OSCP1: variants seen among roughly 807,000 people sequenced by gnomAD.
The protein encoded by OSCP1 is organic solute carrier partner 1.
In OSCP1, 35 loss-of-function variants were observed where a neutral mutation model predicts 45.1. The ratio of observed to expected loss-of-function variants is 0.78; its 90% CI spans 0.59 to 1.03. The LOEUF (loss-of-function observed/expected upper bound fraction) is 1.03. Ranked by LOEUF, OSCP1 falls within the 50% of genes least tolerant of loss-of-function variation. The pLI is 0.00. For synonymous variants in OSCP1, 179 were observed against 180.1 expected, an observed-to-expected ratio of 0.99 and a Z score of 0.05; for missense variants, 400 against 470.7, an observed-to-expected ratio of 0.85 and a Z score of 1.39.
At chr1:36,444,421 A>G (rs1357420806) in intron 1 of OSCP1, among the ~76,000 whole-genome samples, 2 of 152,206 alleles carry the variant, frequency 1.3e-5, no homozygotes, top group Admixed American at 6.5e-5. Context: ...TTCCAAGAAC[A>G]GGCAGAGAAA....
intron 1 of OSCP1, 43 bp downstream of exon 1, chr1:36,450,215 C>A (rs755882757): frequency 1.1e-5 from 17 of 1,525,152 alleles, no homozygotes; most frequent in Non-Finnish European, 1.5e-5. Flanking sequence ...GAGGGCCGGG[C>A]TGCTGGCTGC....
intron 3 of OSCP1, 30 bp from the exon 4 acceptor site, chr1:36,431,912 C>T (rs376393878): frequency 6.2e-7 from 1 of 1,605,042 alleles, no homozygotes; most frequent in South Asian, 1.1e-5. Flanking sequence ...AGCAGCACTT[C>T]ACTTTCCAAG....
intron 4 of OSCP1, among the ~76,000 whole-genome samples, chr1:36,424,237 G>A (rs1484259318): frequency 3.9e-5 from 6 of 152,182 alleles, no homozygotes; most frequent in African/African-American, 9.7e-5. Flanking sequence ...CACCGTGCTC[G>A]GCTACAAACA....
At chr1:36,422,456 C>T (rs910746569) in intron 6 of OSCP1, among the ~76,000 whole-genome samples, 2 of 152,206 alleles carry the variant, frequency 1.3e-5, no homozygotes, top group East Asian at 3.9e-4. Context: ...TAACACGCAT[C>T]ACTGAAAATA....
At chr1:36,433,491 G>T (rs1648512943) in intron 2 of OSCP1, among the ~76,000 whole-genome samples, 1 of 151,954 alleles carries the variant, frequency 6.6e-6, no homozygotes, top group Non-Finnish European at 1.5e-5. Flanking sequence ...CTGCAAGAAT[G>T]GGGAGGGAGG....
intron 1 of OSCP1, among the ~76,000 whole-genome samples, chr1:36,448,773 T>C (rs1240349047): frequency 6.6e-6 from 1 of 152,156 alleles, no homozygotes; most frequent in African/African-American, 2.4e-5. Flanking sequence ...AGTTTGGTAT[T>C]ATTGGGAAAC....
intron 1 of OSCP1, 30 bp downstream of exon 1, chr1:36,450,228 G>T: frequency 6.3e-7 from 1 of 1,577,746 alleles, no homozygotes; most frequent in Non-Finnish European, 8.7e-7. Flanking sequence ...CTGGCTGCGG[G>T]TCTGGCTGAG....
At chr1:36,437,899 G>A (rs1262829984) in intron 2 of OSCP1, among the ~76,000 whole-genome samples, 2 of 152,170 alleles carry the variant, frequency 1.3e-5, no homozygotes, top group Non-Finnish European at 2.9e-5. Flanking sequence ...TCTTGTCTGG[G>A]TGCAGTGGCC....
intron 2 of OSCP1, among the ~76,000 whole-genome samples, chr1:36,434,035 T>C (rs1648548171): frequency 6.6e-6 from 1 of 152,186 alleles, no homozygotes. Flanking sequence ...TGATCAGGGT[T>C]GTCCAGAAGG....
rs71053929 is a variant in OSCP1, at chr1:36,427,299, C to CTTTTTTTTTTTTTTTTT, written c.517-3834_517-3833insAAAAAAAAAAAAAAAAA. 5.9e-4 allele frequency among the ~76,000 whole-genome samples: 57 copies of CTTTTTTTTTTTTTTTTT among 96,296 alleles called. 1 individual carries two copies. Among genetic ancestry groups the CTTTTTTTTTTTTTTTTT allele is most frequent in the African/African-American group, 2.4e-3 (49 of 20,814 alleles). 63.2% of individuals were successfully genotyped at this position (96,296 alleles called of 152,430 possible). On this transcript the variant is annotated intron_variant, in intron 4 of 9. Coordinates refer to ENST00000235532, the MANE Select transcript of OSCP1 (RefSeq NM_145047.5). ...ACAGGCGTGAGCCATGGCGCCTGGC[C>CTTTTTTTTTTTTTTTTT]TTTTTTTTTTTTTTTGACACAGAGT...
chr1:36,436,104 A>AC (rs1648715229), intron 2 of OSCP1, among the ~76,000 whole-genome samples: 1 of 113,888 alleles, frequency 8.8e-6, no homozygotes, highest in East Asian at 2.8e-4. Context: ...CTCTCTCTCT[A>AC]TTTTTTTTTT....
At chr1:36,426,641 TCTGCCTGCCCCACTG>T (rs1647979168) in intron 4 of OSCP1, among the ~76,000 whole-genome samples, 1 of 152,246 alleles carries the variant, frequency 6.6e-6, no homozygotes, top group Non-Finnish European at 1.5e-5. Flanking sequence ...TTCACTGTTT[TCTGCCTGCCCCACTG>T]CAGAAGCCTC....
At chr1:36,436,410 C>T (rs1648745076) in intron 2 of OSCP1, among the ~76,000 whole-genome samples, 1 of 152,024 alleles carries the variant, frequency 6.6e-6, no homozygotes. Context: ...GCGCCCGGCC[C>T]TCTCTATTTT....
At chr1:36,448,967 T>C (rs1041663192) in intron 1 of OSCP1, among the ~76,000 whole-genome samples, 1 of 152,188 alleles carries the variant, frequency 6.6e-6, no homozygotes, top group African/African-American at 2.4e-5. Context: ...TTGGCGGCAA[T>C]GTGCAGAATG....
intron 1 of OSCP1, chr1:36,444,180 C>G (rs1024568670): frequency 1.2e-5 from 10 of 860,340 alleles, no homozygotes; most frequent in Non-Finnish European, 1.9e-5. Context: ...GAGCACACTG[C>G]CTTCTATTTG....
chr1:36,419,164 A>G (rs1370046628), intron 8 of OSCP1, 110 bp from the exon 9 acceptor site: 2 of 945,414 alleles, frequency 2.1e-6, no homozygotes, highest in East Asian at 2.4e-5. Context: ...CTCATCTGCC[A>G]TTTCTCTTAA....
At chr1:36,435,301 GT>G (rs71053934) in intron 2 of OSCP1, among the ~76,000 whole-genome samples, 39,651 of 147,340 alleles carry the variant, frequency 0.27, 5,834 homozygotes, top group Middle Eastern at 0.4. Context: ...TCTCACTATG[GT>G]TTTTTTTTTA....
At chr1:36,443,960 C>T (rs1361235238) in intron 1 of OSCP1, 3 of 1,595,324 alleles carry the variant, frequency 1.9e-6, no homozygotes, top group South Asian at 2.2e-5. Context: ...CCTGAGTGAA[C>T]CTGTGGATGC....
intron 1 of OSCP1, among the ~76,000 whole-genome samples, chr1:36,440,229 T>G (rs550644158): frequency 6.6e-6 from 1 of 152,320 alleles, no homozygotes; most frequent in African/African-American, 2.4e-5. Context: ...TTTTAGGCAC[T>G]CTCAACCTGT....
Sources: gnomAD v4.1 joint callset for allele counts (sites outside exome capture counted in the v4.1 genomes callset) on GRCh38, gnomAD v4.1.1 for gene constraint, MANE v1.5 for transcripts, NCBI Gene and HGNC (gene_info 2026-07-23, HGNC 2026-07-21) for gene names.